THNSL1: variants seen among roughly 807,000 people sequenced by gnomAD.
THNSL1 encodes the protein threonine synthase-like 1.
THNSL1 carries 48 observed loss-of-function variants against 50.4 expected under a neutral mutation model. The observed-to-expected ratio is 0.95, with a 90% CI of 0.76 to 1.21. The LOEUF (loss-of-function observed/expected upper bound fraction) is 1.21, where lower values mean the gene tolerates loss of function less well. Among genes scored for constraint, THNSL1 ranks in the 50% most tolerant of loss-of-function variants. The pLI is 0.00. For missense variants in THNSL1, 896 were observed against 871.7 expected, an observed-to-expected ratio of 1.03 and a Z score of -0.35; for synonymous variants, 309 against 306.1, an observed-to-expected ratio of 1.01 and a Z score of -0.10.
chr10:24,987,411 A>C, the THNSL1 span, among the ~76,000 whole-genome samples: 5 of 151,918 alleles, frequency 3.3e-5, no homozygotes, highest in African/African-American at 1.2e-4. Context: ...CTGAGGGAGG[A>C]GGATTGCTTG....
At chr10:24,963,020 A>C in the THNSL1 span, among the ~76,000 whole-genome samples, 1 of 139,556 alleles carries the variant, frequency 7.2e-6, no homozygotes, top group Non-Finnish European at 1.5e-5. Flanking sequence ...TGAACCCAGA[A>C]ATAATAATTT....
At chr10:24,997,377 C>CTTT in the THNSL1 span, among the ~76,000 whole-genome samples, 1 of 139,148 alleles carries the variant, frequency 7.2e-6, no homozygotes, top group African/African-American at 2.7e-5. Context: ...CCCTGCATTC[C>CTTT]TTTTTTTTTT....
At chr10:24,991,215 C>CCTTCTTCAGTAG in the THNSL1 span, among the ~76,000 whole-genome samples, 1 of 151,934 alleles carries the variant, frequency 6.6e-6, no homozygotes, top group African/African-American at 2.4e-5. Flanking sequence ...CTACCTTCTA[C>CCTTCTTCAGTAG]GTTCTTCAGT....
At chr10:24,981,916 T>G in the THNSL1 span, 1 of 152,214 alleles carries the variant, frequency 6.6e-6, no homozygotes, top group African/African-American at 2.4e-5. Flanking sequence ...TGTTTAGCAG[T>G]CAAATTCTCT....
the THNSL1 span, among the ~76,000 whole-genome samples, chr10:24,952,975 C>A: frequency 1.3e-5 from 2 of 152,120 alleles, no homozygotes; most frequent in African/African-American, 4.8e-5. This position sits in a 1 kb window ranked among gnomAD's most constrained non-coding sequence, Gnocchi z 5.1. Flanking sequence ...GAGAACGTGT[C>A]CCCCAGGCCC....
chr10:25,022,142 G>C (rs763955005), intron 2 of THNSL1, among the ~76,000 whole-genome samples: 1 of 152,114 alleles, frequency 6.6e-6, no homozygotes, highest in East Asian at 1.9e-4. Flanking sequence ...CATTGCACAG[G>C]TATTATACTG....
chr10:24,980,071 C>T, the THNSL1 span, among the ~76,000 whole-genome samples: 1 of 152,194 alleles, frequency 6.6e-6, no homozygotes, highest in South Asian at 2.1e-4. Flanking sequence ...CCAACTAGTC[C>T]ACTAACTAAT....
the THNSL1 span, among the ~76,000 whole-genome samples, chr10:24,988,294 ATGTATATATATTTATATGTG>A: frequency 7.0e-6 from 1 of 142,638 alleles, no homozygotes; most frequent in African/African-American, 2.6e-5. Context: ...ATATTTATAT[ATGTATATATATTTATATGTG>A]TGTATATATA....
At chr10:24,971,206 C>T in the THNSL1 span, among the ~76,000 whole-genome samples, 1 of 152,028 alleles carries the variant, frequency 6.6e-6, no homozygotes. Context: ...TCAAGCAATT[C>T]TCTCACCTCA....
the THNSL1 span, among the ~76,000 whole-genome samples, chr10:24,968,905 T>G: frequency 6.6e-6 from 1 of 152,192 alleles, no homozygotes; most frequent in African/African-American, 2.4e-5. Context: ...GTTGTTGTTG[T>G]TTTCTTGAGA....
chr10:24,977,929 G>C, the THNSL1 span, among the ~76,000 whole-genome samples: 1 of 152,142 alleles, frequency 6.6e-6, no homozygotes. Context: ...ATTTAGATAA[G>C]TTTATGTTCT....
chr10:24,972,507 C>CAAAAAAAAA, the THNSL1 span, among the ~76,000 whole-genome samples: 8 of 133,156 alleles, frequency 6.0e-5, no homozygotes, highest in Admixed American at 3.7e-4. Context: ...GACTCTGTCT[C>CAAAAAAAAA]AAAAAAAAAA....
chr10:25,015,098 G>A (rs1243545951), upstream of THNSL1, among the ~76,000 whole-genome samples: 2 of 152,176 alleles, frequency 1.3e-5, no homozygotes, highest in Non-Finnish European at 2.9e-5. Context: ...GGAGAAATGA[G>A]ATTTTCTCCA....
Position 25,023,849 on chromosome 10 carries a change from C to T in THNSL1, c.626C>T (p.Pro209Leu). ...ARVFCESGAS[P>L]EEVADKVLNA... The stretch of plus-strand genomic sequence containing the variant: ...GTTTTCTGTGAAAGTGGGGCTTCCC[C>T]AGAGGAGGTAGCTGACAAAGTGCTG... Residue 209 changes from proline to leucine, a missense_variant, in exon 3 of 3, where the codon CCA (proline) becomes CTA (leucine). By Grantham distance (98) the Pro-to-Leu change is moderately conservative. Transcript: ENST00000376356. The T allele has an allele frequency of 6.2e-7, 1 of 1,614,158 alleles. No homozygotes were observed.
chr10:24,973,046 G>A, the THNSL1 span, among the ~76,000 whole-genome samples: 2 of 152,034 alleles, frequency 1.3e-5, no homozygotes, highest in South Asian at 2.1e-4. Context: ...AAACAACAAG[G>A]TGTTCACAAT....
the THNSL1 span, among the ~76,000 whole-genome samples, chr10:24,994,718 T>C: frequency 6.6e-6 from 1 of 152,148 alleles, no homozygotes; most frequent in African/African-American, 2.4e-5. Flanking sequence ...TGTAAGCTTT[T>C]TTATTTTAAA....
At chr10:24,954,124 G>A in the THNSL1 span, among the ~76,000 whole-genome samples, 1 of 152,072 alleles carries the variant, frequency 6.6e-6, no homozygotes, top group Non-Finnish European at 1.5e-5. Context: ...CAAAGACCAG[G>A]CCCAGGAACC....
chr10:25,024,681 A>T lies in THNSL1; in HGVS notation c.1458A>T (p.Ala486=). ...LLPQVVYHAS[A]YLDLVSQGFI... ...CGCAGGTAGTTTATCATGCTTCCGC[A>T]TATCTTGATCTTGTTAGTCAAGGAT... The change falls in exon 3 of 3, where the codon GCA becomes GCT. Residue 486 remains alanine (A), a synonymous_variant. Coordinates refer to ENST00000376356, the MANE Select transcript of THNSL1 (RefSeq NM_024838.5). 1 of 1,614,242 alleles carries T rather than the reference A, an allele frequency of 6.2e-7. No homozygotes were observed.
upstream of THNSL1, among the ~76,000 whole-genome samples, chr10:25,013,212 G>A (rs1389370287): frequency 2.6e-5 from 4 of 152,158 alleles, no homozygotes; most frequent in African/African-American, 4.8e-5. Flanking sequence ...ACCCAGTCTC[G>A]AGTATGTCTT....
Sources: allele counts gnomAD v4.1 joint callset (sites outside exome capture counted in the v4.1 genomes callset), GRCh38; gene constraint gnomAD v4.1.1; non-coding constraint Gnocchi (gnomAD v3.1); transcripts MANE v1.5; gene names NCBI Gene and HGNC (gene_info 2026-07-23, HGNC 2026-07-21).